Variants in PRMT1 observed in about 807,000 individuals in gnomAD.
The protein encoded by PRMT1 is protein arginine N-methyltransferase 1.
A neutral mutation model predicts 47.4 loss-of-function variants in PRMT1; 5 were observed. The ratio of observed to expected loss-of-function variants is 0.11; its 90% CI spans 0.06 to 0.22. The LOEUF (loss-of-function observed/expected upper bound fraction) is 0.22, where lower values mean the gene tolerates loss of function less well. Among genes scored for constraint, PRMT1 ranks in the 10% least tolerant of loss-of-function variants. PRMT1 has a pLI of 1.00. For synonymous variants in PRMT1, 227 were observed against 204.6 expected, an observed-to-expected ratio of 1.11 and a Z score of -0.94; for missense variants, 249 against 518.4, an observed-to-expected ratio of 0.48 and a Z score of 5.05.
At position 49,683,988 on chromosome 19, in the gene PRMT1, C is replaced by T; in HGVS notation, c.474C>T (p.Ile158=). The change falls in exon 6 of 11, where the codon ATC becomes ATT. Residue 158 remains isoleucine, a synonymous_variant. Transcript: ENST00000454376. The stretch of plus-strand genomic sequence containing the variant: ...AGCTCCCAGTGGAGAAGGTGGACAT[C>T]ATCATCAGCGAGTGGATGGGCTACT... ...EVELPVEKVD[I]IISEWMGYCL... is the part of the protein sequence containing the mutation. The T allele has an allele frequency of 3.1e-6, 5 of 1,614,112 alleles. No homozygotes were observed. Among genetic ancestry groups the T allele is most frequent in the Middle Eastern group, 1.6e-4 (1 of 6,062 alleles).
intron 1 of PRMT1, among the ~76,000 whole-genome samples, chr19:49,678,771 GA>G (rs1179062172): frequency 6.6e-6 from 1 of 152,102 alleles, no homozygotes; most frequent in Non-Finnish European, 1.5e-5. Context: ...GGGCTCTATG[GA>G]TGGAGGAAAT....
intron 1 of PRMT1, chr19:49,677,668 C>T (rs1362481585): frequency 1.5e-5 from 3 of 202,924 alleles, no homozygotes; most frequent in Non-Finnish European, 3.0e-5. Flanking sequence ...GGCCCCGCCC[C>T]CGGCCGGGGA....
intron 5 of PRMT1, among the ~76,000 whole-genome samples, chr19:49,683,011 C>A (rs2122975663): frequency 6.6e-6 from 1 of 151,944 alleles, no homozygotes; most frequent in East Asian, 1.9e-4. Context: ...TGGTCTCGAT[C>A]TCCTGACCTC....
Position 49,684,673 on chromosome 19 carries a change from C to T in PRMT1, c.556-81C>T. 1 of 1,432,968 alleles carries T rather than the reference C, an allele frequency of 7.0e-7. No homozygotes were observed. The highest frequency in any genetic ancestry group is 9.6e-7 in the Non-Finnish European group (1 of 1,043,820). The allele number at this position is 1,432,968 out of a possible 1,614,324, so 88.8% of individuals were successfully genotyped here. A position where few individuals can be genotyped will look rare whatever the true frequency, so the allele number is the denominator to read the frequency against. The stretch of plus-strand genomic sequence containing the variant: ...GACATGAGGGTGGCCCAGACCAGGG[C>T]AGGAGGCCACATCTTGGAGGCAAGA... On this transcript the variant is annotated intron_variant, in intron 6 of 10. Transcript: ENST00000454376. This position sits in a 1 kb window ranked among gnomAD's most constrained non-coding sequence, Gnocchi z 6.2.
rs1057168631 is a variant in PRMT1, at chr19:49,681,198, C to T, written c.192+610C>T. Reference sequence around the variant, plus strand: ...CGGAGTAGCTGGGACCACAGGCGCGCGCCACCACGCCCAGCTGATGTTCTT... The same window carrying T: ...CGGAGTAGCTGGGACCACAGGCGCGTGCCACCACGCCCAGCTGATGTTCTT... On this transcript the variant is annotated intron_variant, in intron 3 of 10. Coordinates refer to ENST00000454376, the MANE Select transcript of PRMT1 (RefSeq NM_001536.6). The surrounding 1 kb of genome is among the most constrained non-coding windows in gnomAD (Gnocchi z 4.4). 2.6e-5 allele frequency among the ~76,000 whole-genome samples: 4 copies of T among 152,092 alleles called. No individual in the cohort carries two copies. The highest frequency in any genetic ancestry group is 2.9e-5 in the Non-Finnish European group (2 of 68,032).
At chr19:49,686,781 TTGGGGGGGGAG>T in intron 10 of PRMT1, 55 bp downstream of exon 10, 4 of 584,260 alleles carry the variant, frequency 6.8e-6, no homozygotes, top group Non-Finnish European at 6.4e-6. Flanking sequence ...GGAGTGTAGA[TTGGGGGGGGAG>T]TGGTGGGGGA....
rs1181935266 is a variant in PRMT1, at chr19:49,680,666, C to T, written c.192+78C>T. The T allele has an allele frequency of 2.6e-6, 3 of 1,158,800 alleles. No individual in the cohort carries two copies. Among genetic ancestry groups the T allele is most frequent in the African/African-American group, 3.0e-5 (2 of 65,912 alleles). 71.8% of individuals were successfully genotyped at this position (1,158,800 alleles called of 1,614,324 possible). On this transcript the variant is annotated intron_variant, in intron 3 of 10. Transcript: ENST00000454376. The surrounding 1 kb of genome is among the most constrained non-coding windows in gnomAD (Gnocchi z 4.2). ...GGAAGGGGTGGAACCTGTTTTCCCA[C>T]GCATGCGCACTGCTTCCCCTGGCCG...
chr19:49,680,842 G>A lies in PRMT1; in HGVS notation c.192+254G>A, dbSNP rs138609121. Among the ~76,000 whole-genome samples, 15 of 152,360 alleles carry A rather than the reference G, an allele frequency of 9.8e-5. No individual in the cohort carries two copies. The highest frequency in any genetic ancestry group is 1.6e-4 in the Non-Finnish European group (11 of 68,020). On this transcript the variant is annotated intron_variant, in intron 3 of 10. Coordinates refer to ENST00000454376, the MANE Select transcript of PRMT1 (RefSeq NM_001536.6). This position sits in a 1 kb window ranked among gnomAD's most constrained non-coding sequence, Gnocchi z 4.2. ...GCATGCGTGCCTGGGGCCTTAGCCAGAGGTCGGGCAGGGCCCACTGGTCTC... is the reference window on the plus strand; with the variant it reads ...GCATGCGTGCCTGGGGCCTTAGCCAAAGGTCGGGCAGGGCCCACTGGTCTC...
Position 49,680,370 on chromosome 19 carries a change from C to A in PRMT1, c.91-117C>A. 8.9e-7 allele frequency: 1 copy of A among 1,129,908 alleles called. No individual in the cohort carries two copies. Among genetic ancestry groups the A allele is most frequent in the South Asian group, 1.3e-5 (1 of 78,650 alleles). The allele number at this position is 1,129,908 out of a possible 1,614,324, so 70.0% of individuals were successfully genotyped here. On this transcript the variant is annotated intron_variant, in intron 2 of 10. Transcript: ENST00000454376. This position sits in a 1 kb window ranked among gnomAD's most constrained non-coding sequence, Gnocchi z 4.2. Reference sequence around the variant, plus strand: ...TGGCAGGCGGGGGCTGTAGGGTTGTCATGGTATGATTTTGGGGGTTCTATA... The same window carrying A: ...TGGCAGGCGGGGGCTGTAGGGTTGTAATGGTATGATTTTGGGGGTTCTATA...
Position 49,682,020 on chromosome 19 carries a change from C to T in PRMT1, c.303C>T (p.Ile101=), listed in dbSNP as rs766142574. 13 of 1,614,204 alleles carry T rather than the reference C, an allele frequency of 8.1e-6. No homozygotes were observed. In the East Asian group the frequency reaches 1.1e-4, roughly 14 times the overall value. The change falls in exon 4 of 11, where the codon ATC becomes ATT. Residue 101 remains isoleucine, a synonymous_variant. Coordinates refer to ENST00000454376, the MANE Select transcript of PRMT1 (RefSeq NM_001536.6). ...VVLDVGSGTG[I]LCMFAAKAGA... is the part of the protein sequence containing the mutation. Reference sequence around the variant, plus strand: ...TGGACGTCGGCTCGGGCACCGGCATCCTCTGCATGTTTGCTGCCAAGGCCG... The same window carrying T: ...TGGACGTCGGCTCGGGCACCGGCATTCTCTGCATGTTTGCTGCCAAGGCCG...
intron 1 of PRMT1, among the ~76,000 whole-genome samples, chr19:49,678,521 C>G (rs2082070332): frequency 1.3e-5 from 2 of 152,178 alleles, no homozygotes; most frequent in Admixed American, 1.3e-4. Flanking sequence ...TCCCCGCTAG[C>G]TTGGGAGAGC....
intron 1 of PRMT1, among the ~76,000 whole-genome samples, chr19:49,678,510 A>T (rs2082070202): frequency 6.6e-6 from 1 of 152,132 alleles, no homozygotes; most frequent in African/African-American, 2.4e-5. Flanking sequence ...TCTTATAGGC[A>T]TCCCCGCTAG....
Position 49,686,000 on chromosome 19 carries a change from G to A in PRMT1, c.760-93G>A, listed in dbSNP as rs2082198902. The A allele has an allele frequency of 5.2e-6, 8 of 1,529,870 alleles. No individual in the cohort carries two copies. The East Asian group carries it at 9.2e-5, about 18-fold the overall frequency. 94.8% of individuals were successfully genotyped at this position (1,529,870 alleles called of 1,614,324 possible). On this transcript the variant is annotated intron_variant, in intron 8 of 10. Transcript: ENST00000454376. This position sits in a 1 kb window ranked among gnomAD's most constrained non-coding sequence, Gnocchi z 4.7. ...GGAGGGCTAGCAGGAAGGGGACAGC[G>A]AGGTCACAGGCCCTCTGGGAGCTTA...
chr19:49,680,728 A>C lies in PRMT1; in HGVS notation c.192+140A>C. The C allele has an allele frequency of 4.4e-6, 3 of 678,220 alleles. No individual in the cohort carries two copies. The highest frequency in any genetic ancestry group is 2.5e-6 in the Non-Finnish European group (1 of 392,874). The allele number at this position is 678,220 out of a possible 1,614,324, so 42.0% of individuals were successfully genotyped here. A position where few individuals can be genotyped will look rare whatever the true frequency, so the allele number is the denominator to read the frequency against. On this transcript the variant is annotated intron_variant, in intron 3 of 10. Coordinates refer to ENST00000454376, the MANE Select transcript of PRMT1 (RefSeq NM_001536.6). The surrounding 1 kb of genome is among the most constrained non-coding windows in gnomAD (Gnocchi z 4.2). ...CCTGCCCCTCTGCTGCGCACTTCCT[A>C]GGGTCGCCTCGCCAAGCCGTTGCCT...
At position 49,684,317 on chromosome 19, in the gene PRMT1, C is replaced by A. The variant is rs1028052211; in HGVS notation, c.555+248C>A. On this transcript the variant is annotated intron_variant, in intron 6 of 10. Transcript: ENST00000454376. The surrounding 1 kb of genome is among the most constrained non-coding windows in gnomAD (Gnocchi z 6.2). ...GTCCTTAGGCCCCAGCAGGCCTCCC[C>A]GGGAGAGGTGAGGTGACGGAGAGGT... Among the ~76,000 whole-genome samples, 3 of 151,948 alleles carry A rather than the reference C, an allele frequency of 2.0e-5. No homozygotes were observed. Among genetic ancestry groups the A allele is most frequent in the Non-Finnish European group, 4.4e-5 (3 of 67,986 alleles).
At position 49,687,514 on chromosome 19, in the gene PRMT1, GC is replaced by G. The variant is rs398034947; in HGVS notation, c.1033-639del. ...AGTTTTACTGCCCCCTCCGCTCCCC[GC>G]CCCCCCCCAGGACGTTTGCCACCGT... On this transcript the variant is annotated intron_variant, in intron 10 of 10. Transcript: ENST00000454376. Among the ~76,000 whole-genome samples the G allele has an allele frequency of 4.0e-3, 532 of 132,584 alleles. 2 individuals are homozygous for G. Among genetic ancestry groups the G allele is most frequent in the African/African-American group, 0.014 (486 of 35,280 alleles). The allele number at this position is 132,584 out of a possible 152,430, so 87.0% of individuals were successfully genotyped here.
chr19:49,686,865 G>A (rs749741999), intron 10 of PRMT1, 139 bp downstream of exon 10: 16 of 1,031,320 alleles, frequency 1.6e-5, no homozygotes, highest in South Asian at 9.8e-5. Context: ...GGCAGCTGGC[G>A]GGGGCGAGCA....
At chr19:49,687,970 G>C in intron 10 of PRMT1, 192 bp from the exon 11 acceptor site, 3 of 636,628 alleles carry the variant, frequency 4.7e-6, no homozygotes, top group South Asian at 1.7e-5. Flanking sequence ...TAGTGGGCTT[G>C]GGGGTGTCCA....
At position 49,680,621 on chromosome 19, in the gene PRMT1, T is replaced by A. The variant is rs763349619; in HGVS notation, c.192+33T>A. 1 of 1,501,836 alleles carries A rather than the reference T, an allele frequency of 6.7e-7. No individual in the cohort carries two copies. Among genetic ancestry groups the A allele is most frequent in the African/African-American group, 1.4e-5 (1 of 72,612 alleles). The allele number at this position is 1,501,836 out of a possible 1,614,324, so 93.0% of individuals were successfully genotyped here. Reference sequence around the variant, plus strand: ...GGGACAGTCCCCAAGGCCCCAATCTTAGGGGGGCTTAAATGTTGGGGAAGG... The same window carrying A: ...GGGACAGTCCCCAAGGCCCCAATCTAAGGGGGGCTTAAATGTTGGGGAAGG... On this transcript the variant is annotated intron_variant, in intron 3 of 10. Transcript: ENST00000454376. The surrounding 1 kb of genome is among the most constrained non-coding windows in gnomAD (Gnocchi z 4.2).
Sources: allele counts gnomAD v4.1 joint callset (sites outside exome capture counted in the v4.1 genomes callset), GRCh38; gene constraint gnomAD v4.1.1; non-coding constraint Gnocchi (gnomAD v3.1); transcripts MANE v1.5; gene names NCBI Gene and HGNC (gene_info 2026-07-23, HGNC 2026-07-21).